The following FNDC3A variants were observed in gnomAD, a reference collection of about 807,000 sequenced individuals.
FNDC3A encodes the protein fibronectin type-III domain-containing protein 3A.
In FNDC3A, 32 loss-of-function variants were observed where a neutral mutation model predicts 148.9. The ratio of observed to expected loss-of-function variants is 0.21; its 90% CI spans 0.16 to 0.29. The LOEUF (loss-of-function observed/expected upper bound fraction) is 0.29, where lower values mean the gene tolerates loss of function less well. FNDC3A is among the 10% of genes least tolerant of loss of function. The pLI, the probability that FNDC3A is intolerant of heterozygous loss-of-function variation, is 1.00. For missense variants in FNDC3A, 1,191 were observed against 1,452.8 expected, an observed-to-expected ratio of 0.82 and a Z score of 2.93; for synonymous variants, 472 against 473.6, an observed-to-expected ratio of 1.00 and a Z score of 0.04.
intron 2 of FNDC3A, among the ~76,000 whole-genome samples, chr13:49,061,785 TCCC>T (rs1876907910): frequency 5.8e-5 from 1 of 17,190 alleles, no homozygotes; most frequent in African/African-American, 2.5e-4. Flanking sequence ...TCCTCTCCTC[TCCC>T]TCTCCTCTCC....
chr13:49,151,124 A>G (rs938763765), intron 8 of FNDC3A, among the ~76,000 whole-genome samples: 3 of 152,060 alleles, frequency 2.0e-5, no homozygotes, highest in African/African-American at 4.8e-5. Context: ...TTTAAATACA[A>G]TGAAATTTCT....
intron 14 of FNDC3A, among the ~76,000 whole-genome samples, chr13:49,182,869 T>A (rs1885378726): frequency 6.6e-6 from 1 of 152,128 alleles, no homozygotes; most frequent in South Asian, 2.1e-4. Context: ...TATCCCTCTC[T>A]TGCTTGGATA....
intron 2 of FNDC3A, among the ~76,000 whole-genome samples, chr13:49,041,841 A>G (rs1054922666): frequency 8.6e-5 from 13 of 151,852 alleles, no homozygotes; most frequent in Non-Finnish European, 1.8e-4. Context: ...GAAAAGAAAA[A>G]GAAAACCTAT....
chr13:49,165,769 T>C (rs966199272), intron 8 of FNDC3A, among the ~76,000 whole-genome samples: 2 of 152,182 alleles, frequency 1.3e-5, no homozygotes, highest in African/African-American at 4.8e-5. Flanking sequence ...ATGGCAGGAC[T>C]AACCTCTGGG....
rs760385998 is a variant in FNDC3A at position 49,110,351 on chromosome 13, T to C, written c.176-4304T>C. On this transcript the variant is annotated intron_variant, in intron 3 of 25. Coordinates refer to ENST00000492622, the MANE Select transcript of FNDC3A (RefSeq NM_001079673.2). ...TTAAAGCTGTTAACGTGTACTACGC[T>C]GTTTCCTTGTTGGATTTTCTTGTTC... 3.1e-6 allele frequency: 5 copies of C among 1,611,476 alleles called. No homozygotes were observed. The Admixed American group carries it at 5.0e-5, about 16-fold the overall frequency.
intron 2 of FNDC3A, among the ~76,000 whole-genome samples, chr13:49,025,336 ATG>A (rs1314749008): frequency 1.3e-5 from 2 of 152,058 alleles, no homozygotes; most frequent in African/African-American, 2.4e-5. Context: ...TACTTGAAAA[ATG>A]TATATTCTAA....
intron 16 of FNDC3A, chr13:49,187,443 C>T: frequency 8.0e-7 from 1 of 1,247,274 alleles, no homozygotes; most frequent in Non-Finnish European, 1.2e-6. Flanking sequence ...TCTTAAAATG[C>T]TCTTCATATC....
chr13:49,032,199 C>G (rs1874167821), intron 2 of FNDC3A, among the ~76,000 whole-genome samples: 1 of 152,110 alleles, frequency 6.6e-6, no homozygotes, highest in Admixed American at 6.5e-5. Context: ...GGAATGTAAA[C>G]TGGTAAATGT....
At position 49,038,848 on chromosome 13, in the gene FNDC3A, C is replaced by G. The variant is rs139315700; in HGVS notation, c.99+32559C>G. On this transcript the variant is annotated intron_variant, in intron 2 of 25. Coordinates refer to ENST00000492622, the MANE Select transcript of FNDC3A (RefSeq NM_001079673.2). ...TTATATCTGTAAAATTGATGCCATT[C>G]ATAAACATTTTTCTTTAATTTTTTT... Among the ~76,000 whole-genome samples, 402 of 152,188 alleles carry G rather than the reference C, an allele frequency of 2.6e-3. 2 individuals carry two copies. The highest frequency in any genetic ancestry group is 7.6e-3 in the African/African-American group (316 of 41,526).
At chr13:49,041,388 C>T (rs1874917187) in intron 2 of FNDC3A, among the ~76,000 whole-genome samples, 1 of 152,186 alleles carries the variant, frequency 6.6e-6, no homozygotes, top group South Asian at 2.1e-4. Context: ...ACTACTCTAT[C>T]CCAATTATCT....
At chr13:48,991,353 G>A (rs1951912576) in intron 1 of FNDC3A, among the ~76,000 whole-genome samples, 1 of 151,486 alleles carries the variant, frequency 6.6e-6, no homozygotes, top group African/African-American at 2.4e-5. Context: ...ACTAGTAAAG[G>A]GATTAATTAA....
At chr13:49,163,001 G>A (rs190391889) in intron 8 of FNDC3A, among the ~76,000 whole-genome samples, 1 of 152,304 alleles carries the variant, frequency 6.6e-6, no homozygotes, top group Non-Finnish European at 1.5e-5. Context: ...TCCTCTGGAA[G>A]CTTCGTCTCA....
chr13:49,020,842 A>G (rs1043104195), intron 2 of FNDC3A, among the ~76,000 whole-genome samples: 4 of 152,260 alleles, frequency 2.6e-5, no homozygotes, highest in African/African-American at 9.6e-5. Context: ...GTTAAGTAAC[A>G]TAGCTTCTGA....
Position 49,203,184 on chromosome 13 carries a change from A to G in FNDC3A, c.3182A>G (p.His1061Arg). 6.2e-7 allele frequency: 1 copy of G among 1,602,864 alleles called. No individual in the cohort carries two copies. Among genetic ancestry groups the G allele is most frequent in the Non-Finnish European group, 8.5e-7 (1 of 1,171,484 alleles). ...CCCAAAATAGAGAAAGTAAATGATC[A>G]CATTTGTGAAATTACATGGGAGTGT... ...KAPKIEKVNDHICEITWECLQ... is the reference protein window; with the variant it reads ...KAPKIEKVNDRICEITWECLQ... The change falls in exon 25 of 26, where the codon CAC (histidine) becomes CGC (arginine). Residue 1061 changes from histidine (H) to arginine (R), a missense_variant. Around this residue, in one of 3 missense-constraint regions of FNDC3A, gnomAD observed 751 missense variants for 944.0 expected, o/e 0.80. Coordinates refer to ENST00000492622, the MANE Select transcript of FNDC3A (RefSeq NM_001079673.2).
chr13:49,169,863 T>A (rs996946060), intron 10 of FNDC3A, among the ~76,000 whole-genome samples: 3 of 152,202 alleles, frequency 2.0e-5, no homozygotes, highest in Admixed American at 6.5e-5. Flanking sequence ...ATACATATAT[T>A]CATGTGTGAT....
rs1883960775 is a variant in FNDC3A at position 49,159,632 on chromosome 13, C to G, written c.978-7612C>G. ...TATTTCTTTCTCCTGCCTGATTGCC[C>G]TGGCCAGAACTTCCAACACTATGTT... On this transcript the variant is annotated intron_variant, in intron 8 of 25. Coordinates refer to ENST00000492622, the MANE Select transcript of FNDC3A (RefSeq NM_001079673.2). Among the ~76,000 whole-genome samples, 6 of 152,166 alleles carry G rather than the reference C, an allele frequency of 3.9e-5. No homozygotes were observed. In the South Asian group the frequency reaches 1.2e-3, roughly 32 times the overall value.
chr13:49,163,893 A>C (rs1366189297), intron 8 of FNDC3A, among the ~76,000 whole-genome samples: 1 of 151,936 alleles, frequency 6.6e-6, no homozygotes, highest in Non-Finnish European at 1.5e-5. Flanking sequence ...ATTCTTTCTT[A>C]TTATGATTGT....
chr13:49,008,983 C>T (rs186493154), intron 2 of FNDC3A, among the ~76,000 whole-genome samples: 178 of 152,086 alleles, frequency 1.2e-3, no homozygotes, highest in African/African-American at 3.8e-3. Context: ...AGTATTGATG[C>T]GTTATTATTA....
intron 2 of FNDC3A, among the ~76,000 whole-genome samples, chr13:49,009,198 G>A (rs778657305): frequency 6.6e-6 from 1 of 151,994 alleles, no homozygotes; most frequent in African/African-American, 2.4e-5. Flanking sequence ...CTATAGTTTT[G>A]TATTTTTAAG....
Sources: allele counts gnomAD v4.1 joint callset (sites outside exome capture counted in the v4.1 genomes callset), GRCh38; gene constraint gnomAD v4.1.1; regional missense constraint gnomAD v4.1.1; transcripts MANE v1.5; gene names NCBI Gene and HGNC (gene_info 2026-07-23, HGNC 2026-07-21).